The following ARK2C variants were observed in gnomAD, a reference collection of about 807,000 sequenced individuals.
The protein encoded by ARK2C is E3 ubiquitin-protein ligase ARK2C.
At chr18:46,427,896 G>T in the ARK2C span, among the ~76,000 whole-genome samples, 1 of 152,210 alleles carries the variant, frequency 6.6e-6, no homozygotes, top group Admixed American at 6.5e-5. Flanking sequence ...GGTGGGCAGG[G>T]TGGTATTTCT....
At chr18:46,365,406 T>G in the ARK2C span, among the ~76,000 whole-genome samples, 1 of 152,250 alleles carries the variant, frequency 6.6e-6, no homozygotes, top group Non-Finnish European at 1.5e-5. Flanking sequence ...AATGAACAGA[T>G]GTACCTATGT....
chr18:46,339,719 CT>C, the ARK2C span, among the ~76,000 whole-genome samples: 1 of 152,220 alleles, frequency 6.6e-6, no homozygotes, highest in Non-Finnish European at 1.5e-5. Flanking sequence ...GAAAGACCCA[CT>C]AAGTTAATGA....
the ARK2C span, among the ~76,000 whole-genome samples, chr18:46,404,124 T>G: frequency 6.6e-6 from 1 of 152,206 alleles, no homozygotes; most frequent in Non-Finnish European, 1.5e-5. Context: ...TTTTTCTTTG[T>G]GCAAAAATTT....
chr18:46,365,579 C>T, the ARK2C span, among the ~76,000 whole-genome samples: 3 of 152,222 alleles, frequency 2.0e-5, no homozygotes, highest in Admixed American at 1.3e-4. Context: ...TCTTGGCTCA[C>T]TGCAACTTCT....
At chr18:46,444,673 A>G in the ARK2C span, among the ~76,000 whole-genome samples, 1 of 149,872 alleles carries the variant, frequency 6.7e-6, no homozygotes, top group African/African-American at 2.5e-5. Context: ...ATATCCCACT[A>G]TGTTTTCTGG....
At chr18:46,430,281 T>G in the ARK2C span, among the ~76,000 whole-genome samples, 1 of 152,232 alleles carries the variant, frequency 6.6e-6, no homozygotes, top group East Asian at 1.9e-4. Flanking sequence ...TGAAGGTAGC[T>G]GCTCTATTGT....
the ARK2C span, among the ~76,000 whole-genome samples, chr18:46,382,090 A>G: frequency 6.6e-6 from 1 of 152,168 alleles, no homozygotes; most frequent in Admixed American, 6.5e-5. Context: ...CTGTAGAGCC[A>G]GGTTGGCTTT....
chr18:46,388,390 A>G, the ARK2C span, among the ~76,000 whole-genome samples: 2 of 152,336 alleles, frequency 1.3e-5, no homozygotes, highest in Admixed American at 6.5e-5. Context: ...CACTTCTTAG[A>G]TACATTTGAT....
chr18:46,347,401 C>G, the ARK2C span, among the ~76,000 whole-genome samples: 1 of 152,246 alleles, frequency 6.6e-6, no homozygotes, highest in Non-Finnish European at 1.5e-5. Flanking sequence ...TCCTGCCCCT[C>G]TGCCCAGCCG....
the ARK2C span, among the ~76,000 whole-genome samples, chr18:46,380,311 G>A: frequency 6.6e-6 from 1 of 152,350 alleles, no homozygotes; most frequent in South Asian, 2.1e-4. Context: ...GCCCACGGGG[G>A]CTGTTGGCCT....
the ARK2C span, among the ~76,000 whole-genome samples, chr18:46,394,030 C>G: frequency 6.6e-6 from 1 of 152,234 alleles, no homozygotes; most frequent in Non-Finnish European, 1.5e-5. Context: ...CCTTAGGTAA[C>G]CCCAACCTTC....
At chr18:46,383,642 C>T in the ARK2C span, among the ~76,000 whole-genome samples, 7 of 148,842 alleles carry the variant, frequency 4.7e-5, no homozygotes, top group Non-Finnish European at 8.9e-5. Flanking sequence ...GCAAGCTCTG[C>T]CTCCAGGGTT....
At chr18:46,388,116 G>A in the ARK2C span, among the ~76,000 whole-genome samples, 27 of 152,292 alleles carry the variant, frequency 1.8e-4, no homozygotes, top group African/African-American at 6.5e-4. Context: ...CTTACTGAAG[G>A]TTACATGTTT....
the ARK2C span, among the ~76,000 whole-genome samples, chr18:46,358,015 T>C: frequency 1.3e-5 from 2 of 152,150 alleles, no homozygotes; most frequent in African/African-American, 4.8e-5. Flanking sequence ...TGGCCTATCA[T>C]GACATTGTAT....
At chr18:46,394,850 G>A in the ARK2C span, among the ~76,000 whole-genome samples, 13 of 152,328 alleles carry the variant, frequency 8.5e-5, no homozygotes, top group African/African-American at 2.2e-4. Flanking sequence ...TTTTATTACA[G>A]GCTAGTTCTT....
chr18:46,404,684 T>C, the ARK2C span, among the ~76,000 whole-genome samples: 1 of 151,322 alleles, frequency 6.6e-6, no homozygotes. Flanking sequence ...ACCTGGGAGG[T>C]TGAGGTTGTA....
the ARK2C span, among the ~76,000 whole-genome samples, chr18:46,412,906 C>G: frequency 6.6e-6 from 1 of 152,100 alleles, no homozygotes; most frequent in African/African-American, 2.4e-5. Flanking sequence ...AGCAGATCCT[C>G]CCTCTCTCCC....
chr18:46,353,886 T>A, the ARK2C span, among the ~76,000 whole-genome samples: 1 of 151,938 alleles, frequency 6.6e-6, no homozygotes, highest in Non-Finnish European at 1.5e-5. Flanking sequence ...GGGCCCTAGG[T>A]CACTCTGCCT....
the ARK2C span, among the ~76,000 whole-genome samples, chr18:46,407,802 T>A: frequency 6.6e-6 from 1 of 152,222 alleles, no homozygotes; most frequent in Non-Finnish European, 1.5e-5. Flanking sequence ...GTTGGAGTGA[T>A]GAGATCCACC....
Sources: allele counts gnomAD v4.1 joint callset (sites outside exome capture counted in the v4.1 genomes callset), GRCh38; gene constraint gnomAD v4.1.1; transcripts MANE v1.5; gene names NCBI Gene and HGNC (gene_info 2026-07-23, HGNC 2026-07-21).